ADGRV1: variants seen among roughly 807,000 people sequenced by gnomAD.
ADGRV1 encodes G-protein coupled receptor 98.
A neutral mutation model predicts 596.2 loss-of-function variants in ADGRV1; 359 were observed. The ratio of observed to expected loss-of-function variants is 0.60; its 90% CI spans 0.55 to 0.66. The LOEUF is 0.66. ADGRV1 is among the 30% of genes least tolerant of loss of function. The pLI, the probability that ADGRV1 is intolerant of heterozygous loss-of-function variation, is 0.00. For synonymous variants in ADGRV1, 2,681 were observed against 2,679.2 expected, an observed-to-expected ratio of 1.00 and a Z score of -0.02; for missense variants, 7,274 against 7,575.6, an observed-to-expected ratio of 0.96 and a Z score of 1.48.
intron 53 of ADGRV1, among the ~76,000 whole-genome samples, chr5:90,752,179 A>G (rs1755339698): frequency 6.6e-6 from 1 of 152,212 alleles, no homozygotes; most frequent in African/African-American, 2.4e-5. Context: ...GCGATAGACA[A>G]TATGCAATTG....
At chr5:90,844,586 C>T (rs1047560294) in intron 78 of ADGRV1, among the ~76,000 whole-genome samples, 2 of 152,202 alleles carry the variant, frequency 1.3e-5, no homozygotes, top group Non-Finnish European at 2.9e-5. Flanking sequence ...ATAGCAAGAG[C>T]AGTCTAAAAC....
At chr5:90,639,913 G>A (rs1281344901) in intron 11 of ADGRV1, among the ~76,000 whole-genome samples, 2 of 152,118 alleles carry the variant, frequency 1.3e-5, no homozygotes, top group Non-Finnish European at 2.9e-5. Flanking sequence ...ACAGTTTATT[G>A]TGATAACAGT....
intron 85 of ADGRV1, among the ~76,000 whole-genome samples, chr5:91,060,539 T>A (rs566755710): frequency 1.3e-3 from 197 of 152,256 alleles, no homozygotes; most frequent in African/African-American, 4.6e-3. Context: ...CACTGTTTTC[T>A]TAATAATTGA....
intron 1 of ADGRV1, among the ~76,000 whole-genome samples, chr5:90,586,025 C>A (rs1758716415): frequency 6.6e-6 from 1 of 152,106 alleles, no homozygotes; most frequent in African/African-American, 2.4e-5. Context: ...CACCAGCTTG[C>A]AGCAGTCCCT....
At chr5:90,935,581 T>C (rs1287016230) in intron 83 of ADGRV1, among the ~76,000 whole-genome samples, 1 of 152,200 alleles carries the variant, frequency 6.6e-6, no homozygotes, top group East Asian at 1.9e-4. Flanking sequence ...AAAAAACCTG[T>C]AAAAAATGTG....
At chr5:90,973,436 T>C (rs1779245712) in intron 84 of ADGRV1, among the ~76,000 whole-genome samples, 1 of 152,154 alleles carries the variant, frequency 6.6e-6, no homozygotes. Flanking sequence ...TGATGAACAT[T>C]GATGCAAAAA....
intron 82 of ADGRV1, among the ~76,000 whole-genome samples, chr5:90,861,356 C>G (rs368966112): frequency 6.6e-6 from 1 of 151,808 alleles, no homozygotes; most frequent in Non-Finnish European, 1.5e-5. Flanking sequence ...GTCACCCAGG[C>G]TGGATTGCAG....
chr5:90,618,672 G>A (rs1402560135), intron 3 of ADGRV1, among the ~76,000 whole-genome samples: 1 of 152,026 alleles, frequency 6.6e-6, no homozygotes, highest in Non-Finnish European at 1.5e-5. Context: ...GTTTGGTTCT[G>A]TGATTCATAG....
At chr5:91,125,577 G>T (rs992767006) in intron 87 of ADGRV1, among the ~76,000 whole-genome samples, 2 of 152,170 alleles carry the variant, frequency 1.3e-5, no homozygotes, top group South Asian at 2.1e-4. Context: ...ATTCCAGTTA[G>T]AGTGCCATCC....
intron 87 of ADGRV1, among the ~76,000 whole-genome samples, chr5:91,123,403 C>T (rs571928141): frequency 1.3e-5 from 2 of 152,194 alleles, no homozygotes; most frequent in Non-Finnish European, 2.9e-5. Flanking sequence ...GGGCCTGTTT[C>T]TCGTAGATGG....
chr5:90,559,690 C>G (rs937364948), intron 1 of ADGRV1, among the ~76,000 whole-genome samples: 4 of 152,014 alleles, frequency 2.6e-5, no homozygotes, highest in African/African-American at 9.7e-5. Context: ...ATGCTATACA[C>G]TCTTTTAGAA....
Position 91,151,511 on chromosome 5 carries a change from C to G in ADGRV1, c.18624+1290C>G, listed in dbSNP as rs118144117. ...TTTTTGGAAATCTAGTACGATTTCTCTATCCCCAAAGTTCTTAAAATAGAC... is the reference window on the plus strand; with the variant it reads ...TTTTTGGAAATCTAGTACGATTTCTGTATCCCCAAAGTTCTTAAAATAGAC... On this transcript the variant is annotated intron_variant, in intron 88 of 89. Transcript: ENST00000405460. 2.5e-3 allele frequency among the ~76,000 whole-genome samples: 374 copies of G among 152,254 alleles called. 11 individuals carry two copies. The East Asian group carries it at 0.049, about 20-fold the overall frequency.
intron 67 of ADGRV1, among the ~76,000 whole-genome samples, chr5:90,786,708 A>G (rs1759491706): frequency 6.6e-6 from 1 of 152,188 alleles, no homozygotes; most frequent in African/African-American, 2.4e-5. Flanking sequence ...AGGCTGAGGG[A>G]AAGACAGGAA....
At chr5:90,663,688 A>G (rs1485540838) in intron 21 of ADGRV1, among the ~76,000 whole-genome samples, 1 of 152,176 alleles carries the variant, frequency 6.6e-6, no homozygotes, top group Admixed American at 6.5e-5. Context: ...GTCCTTGCCC[A>G]TGCCTGTGTC....
chr5:90,834,681 A>T (rs747753003), intron 77 of ADGRV1, among the ~76,000 whole-genome samples: 6 of 151,744 alleles, frequency 4.0e-5, no homozygotes, highest in Non-Finnish European at 7.4e-5. Flanking sequence ...GAATACTGAT[A>T]TCTTTCTCTA....
At chr5:90,793,118 A>G (rs1350768565) in intron 70 of ADGRV1, 1 of 152,200 alleles carries the variant, frequency 6.6e-6, no homozygotes, top group African/African-American at 2.4e-5. Flanking sequence ...TCCTTGGGAA[A>G]CTGACTCAAT....
chr5:90,991,837 A>G lies in ADGRV1; in HGVS notation c.18152+6315A>G, dbSNP rs148384680. On this transcript the variant is annotated intron_variant, in intron 85 of 89. Transcript: ENST00000405460. The stretch of plus-strand genomic sequence containing the variant: ...TATGGGAAATATGATATCATATGAG[A>G]GTCTTTATTTTCATTAAATTACTTT... Among the ~76,000 whole-genome samples the G allele has an allele frequency of 4.3e-3, 653 of 152,356 alleles. 5 individuals are homozygous for G. Among genetic ancestry groups the G allele is most frequent in the African/African-American group, 0.014 (602 of 41,588 alleles).
chr5:90,749,453 G>A (rs1219314397), intron 52 of ADGRV1, among the ~76,000 whole-genome samples: 14 of 152,276 alleles, frequency 9.2e-5, no homozygotes, highest in Admixed American at 7.8e-4. Context: ...ATTTAGGAAT[G>A]TTTGATTGCC....
chr5:91,083,353 G>T (rs1017502971), intron 86 of ADGRV1, among the ~76,000 whole-genome samples: 1 of 151,928 alleles, frequency 6.6e-6, no homozygotes, highest in Non-Finnish European at 1.5e-5. Context: ...TAACAAACCT[G>T]CATGTTGTGC....
Sources: allele counts gnomAD v4.1 joint callset (sites outside exome capture counted in the v4.1 genomes callset), GRCh38; gene constraint gnomAD v4.1.1; transcripts MANE v1.5; gene names NCBI Gene and HGNC (gene_info 2026-07-23, HGNC 2026-07-21).